AARS1: variants seen among roughly 807,000 people sequenced by gnomAD.
AARS1 encodes alanine--tRNA ligase, cytoplasmic.
In AARS1, 72 loss-of-function variants were observed where a neutral mutation model predicts 108.9. The ratio of observed to expected loss-of-function variants is 0.66; its 90% CI spans 0.55 to 0.80. The LOEUF is 0.80. Ranked by LOEUF, AARS1 falls within the 30% of genes least tolerant of loss-of-function variation. The pLI, the probability that AARS1 is intolerant of heterozygous loss-of-function variation, is 0.00. For synonymous variants in AARS1, 489 were observed against 465.7 expected (o/e 1.05, Z -0.64); for missense variants, 1,193 against 1,233.2 (o/e 0.97, Z 0.49).
chr16:70,286,961 C>CA (rs1960860166), intron 1 of AARS1, among the ~76,000 whole-genome samples: 1 of 146,030 alleles, frequency 6.8e-6, no homozygotes, highest in African/African-American at 2.5e-5. Context: ...ACTAAAAATA[C>CA]AAAAATTAGG....
intron 1 of AARS1, among the ~76,000 whole-genome samples, chr16:70,288,424 A>AT (rs1175386628): frequency 6.6e-6 from 1 of 150,814 alleles, no homozygotes; most frequent in Non-Finnish European, 1.5e-5. Context: ...CCCCTTCTTG[A>AT]TAAGGCTCCC....
At chr16:70,277,240 A>G (rs1258805576) in intron 2 of AARS1, 86 bp from the exon 3 acceptor site, 3 of 1,331,062 alleles carry the variant, frequency 2.3e-6, no homozygotes, top group Non-Finnish European at 3.2e-6. Flanking sequence ...ACGACCACAC[A>G]CTAACTGTGC....
chr16:70,254,772 C>G (rs373854261), intron 16 of AARS1, 38 bp from the exon 17 acceptor site: 5 of 1,362,446 alleles, frequency 3.7e-6, no homozygotes, highest in East Asian at 2.3e-5. Context: ...AGCAGGAGGT[C>G]TGAGTCAGAC....
chr16:70,262,535 G>T lies in AARS1; in HGVS notation c.1493-11C>A. 1 of 1,603,864 alleles carries T rather than the reference G, an allele frequency of 6.2e-7. No individual in the cohort carries two copies. Among genetic ancestry groups the T allele is most frequent in the Non-Finnish European group, 8.5e-7 (1 of 1,171,990 alleles). On this transcript the variant is annotated splice_polypyrimidine_tract_variant and intron_variant, in intron 11 of 20. Coordinates refer to ENST00000261772, the MANE Select transcript of AARS1 (RefSeq NM_001605.3). The stretch of plus-strand genomic sequence containing the variant: ...CTGTGTTCTCAAATACTGCTCAAGG[G>T]AAATGCATAGAAAGGGGACAGTGGG...
In AARS1 at chr16:70,265,316, G is replaced by A. The variant is rs1960236538; in HGVS notation, c.1348-214C>T. 18 of 908,736 alleles carry A rather than the reference G, an allele frequency of 2.0e-5. No homozygotes were observed. The South Asian group carries it at 2.3e-4, about 12-fold the overall frequency. The allele number at this position is 908,736 out of a possible 1,614,324, so 56.3% of individuals were successfully genotyped here. ...GGGCACCCTGGCCTCTACCAAGTAC[G>A]TGACAGCAGGATCTGCCCCTAGTTG... is the stretch of plus-strand genomic sequence containing the variant. On this transcript the variant is annotated intron_variant, in intron 10 of 20. Transcript: ENST00000261772.
chr16:70,282,422 C>T (rs891884819), intron 2 of AARS1, among the ~76,000 whole-genome samples, 198 bp downstream of exon 2: 28 of 150,574 alleles, frequency 1.9e-4, no homozygotes, highest in Middle Eastern at 3.5e-3. Context: ...TTATCTTATT[C>T]GCTTCTCACT....
intron 6 of AARS1, 51 bp downstream of exon 6, chr16:70,270,145 C>T (rs1434260198): frequency 6.8e-6 from 11 of 1,608,282 alleles, no homozygotes; most frequent in Non-Finnish European, 9.4e-6. Flanking sequence ...GTTAAGAGTA[C>T]AGCCTGGAAA....
chr16:70,285,346 C>A (rs912784043), intron 1 of AARS1, among the ~76,000 whole-genome samples: 10 of 152,124 alleles, frequency 6.6e-5, no homozygotes, highest in Admixed American at 6.6e-4. Context: ...TGCAGTGGGA[C>A]AATCACTTAA....
intron 11 of AARS1, 143 bp from the exon 12 acceptor site, chr16:70,262,667 G>T: frequency 1.1e-6 from 1 of 938,678 alleles, no homozygotes; most frequent in Non-Finnish European, 1.6e-6. Flanking sequence ...AAACTCATTA[G>T]ACAATATGAA....
intron 15 of AARS1, among the ~76,000 whole-genome samples, chr16:70,257,694 C>T (rs2152153218): frequency 6.6e-6 from 1 of 152,302 alleles, no homozygotes; most frequent in South Asian, 2.1e-4. Flanking sequence ...ACATCAAGAG[C>T]TCAACAAGCA....
At chr16:70,289,356 T>C in intron 1 of AARS1, 65 bp downstream of exon 1, 1 of 355,184 alleles carries the variant, frequency 2.8e-6, no homozygotes, top group South Asian at 2.1e-5. Context: ...GCTGCGGAGC[T>C]TTCCCCCCAG....
intron 2 of AARS1, 147 bp downstream of exon 2, chr16:70,282,473 G>C: frequency 1.1e-6 from 1 of 948,098 alleles, no homozygotes; most frequent in Non-Finnish European, 1.6e-6. Context: ...ATTTTGCAAA[G>C]AAACTGAGGC....
chr16:70,257,862 A>G (rs970935447), intron 15 of AARS1, among the ~76,000 whole-genome samples, 171 bp downstream of exon 15: 1 of 152,124 alleles, frequency 6.6e-6, no homozygotes, highest in Admixed American at 6.6e-5. Flanking sequence ...AGATACAGGG[A>G]TCTAATGAGC....
At chr16:70,262,987 A>AAAAAG (rs1748536812) in intron 11 of AARS1, among the ~76,000 whole-genome samples, 2 of 147,392 alleles carry the variant, frequency 1.4e-5, no homozygotes, top group South Asian at 4.3e-4. Context: ...AAAAAAAAAA[A>AAAAAG]AAAAAAAAAA....
At chr16:70,262,691 C>T (rs747500723) in intron 11 of AARS1, among the ~76,000 whole-genome samples, 167 bp from the exon 12 acceptor site, 3 of 152,094 alleles carry the variant, frequency 2.0e-5, no homozygotes, top group African/African-American at 4.8e-5. Flanking sequence ...GCTTCGCGGC[C>T]GGGCGCGGTG....
intron 3 of AARS1, 114 bp downstream of exon 3, chr16:70,276,852 G>T: frequency 7.7e-7 from 1 of 1,306,398 alleles, no homozygotes; most frequent in Non-Finnish European, 1.1e-6. Context: ...ATTCATTCCT[G>T]AATCACCTAG....
intron 4 of AARS1, among the ~76,000 whole-genome samples, chr16:70,273,814 G>A (rs1567609286): frequency 7.4e-6 from 1 of 134,692 alleles, no homozygotes; most frequent in Admixed American, 8.8e-5. Context: ...AGTGAGCCAA[G>A]ATCGCGCCAC....
intron 8 of AARS1, 114 bp downstream of exon 8, chr16:70,268,157 G>A (rs984345545): frequency 2.0e-6 from 2 of 996,684 alleles, no homozygotes; most frequent in Non-Finnish European, 3.1e-6. Context: ...GACAGAGTGA[G>A]ACTCCGTCTC....
chr16:70,276,947 T>G lies in AARS1; in HGVS notation c.333+19A>C. ...CCATTTTCCTCAAAACCCTAGTGGT[T>G]CTTCTGCTCTGAACTTACCTTAAAG... On this transcript the variant is annotated intron_variant, in intron 3 of 20. Coordinates refer to ENST00000261772, the MANE Select transcript of AARS1 (RefSeq NM_001605.3). 6.2e-7 allele frequency: 1 copy of G among 1,613,992 alleles called. No individual in the cohort carries two copies. The highest frequency in any genetic ancestry group is 8.5e-7 in the Non-Finnish European group (1 of 1,179,866).
Sources: gnomAD v4.1 joint callset for allele counts (sites outside exome capture counted in the v4.1 genomes callset) on GRCh38, gnomAD v4.1.1 for gene constraint, MANE v1.5 for transcripts, NCBI Gene and HGNC (gene_info 2026-07-23, HGNC 2026-07-21) for gene names.